The following LRRN1 variants were observed in gnomAD, a reference collection of about 807,000 sequenced individuals.
LRRN1 encodes the protein leucine-rich repeat neuronal protein 1.
Under a neutral mutation model 45.8 loss-of-function variants are expected in LRRN1, and 14 were observed. That is an observed-to-expected ratio of 0.31 (90% confidence interval 0.20 to 0.48). LRRN1 has a LOEUF of 0.48. Among genes scored for constraint, LRRN1 ranks in the 20% least tolerant of loss-of-function variants. LRRN1 has a pLI of 0.99. For missense variants in LRRN1, 789 were observed against 874.2 expected (o/e 0.90, Z 1.23); for synonymous variants, 359 against 330.1 (o/e 1.09, Z -0.95).
Position 3,817,616 on chromosome 3 carries a change from C to G in LRRN1, c.-279+17697C>G, listed in dbSNP as rs1021706317. ...CACTTCGTCTTCTAATTAGGAAGCC[C>G]TAAGCAGTCAGGCTCTTTAGAGAAA... is the stretch of plus-strand genomic sequence containing the variant. On this transcript the variant is annotated intron_variant, in intron 1 of 1. Coordinates refer to ENST00000319331, the MANE Select transcript of LRRN1 (RefSeq NM_020873.7). Among the ~76,000 whole-genome samples the G allele has an allele frequency of 3.3e-5, 5 of 152,058 alleles. No homozygotes were observed. The East Asian group carries it at 9.7e-4, about 29-fold the overall frequency.
At chr3:3,835,992 G>C (rs770218295) in intron 1 of LRRN1, among the ~76,000 whole-genome samples, 4 of 152,054 alleles carry the variant, frequency 2.6e-5, no homozygotes, top group Non-Finnish European at 5.9e-5. Context: ...TAAACTGCCA[G>C]ACTTCTTTGT....
At chr3:3,803,249 C>T (rs115797839) in intron 1 of LRRN1, among the ~76,000 whole-genome samples, 1 of 152,110 alleles carries the variant, frequency 6.6e-6, no homozygotes, top group African/African-American at 2.4e-5. Flanking sequence ...TAAAGAAAAT[C>T]GGTCTCTACG....
chr3:3,846,553 T>G lies in LRRN1; in HGVS notation c.1912T>G (p.Ser638Ala), dbSNP rs746781678. ...TSTALAAVMG[S>A]MFAVISLASI... ...TACAGCCCTTGCTGCAGTAATGGGG[T>G]CTATGTTTGCCGTCATTAGCCTTGC... The change falls in exon 2 of 2, where the codon TCT (serine) becomes GCT (alanine). Residue 638 changes from serine (S) to alanine (A), a missense_variant. Physicochemically the swap from Ser to Ala is moderately conservative, Grantham distance 99. Coordinates refer to ENST00000319331, the MANE Select transcript of LRRN1 (RefSeq NM_020873.7). The surrounding 1 kb of genome is among the most constrained non-coding windows in gnomAD (Gnocchi z 5.7). 2 of 1,613,964 alleles carry G rather than the reference T, an allele frequency of 1.2e-6. No individual in the cohort carries two copies. The highest frequency in any genetic ancestry group is 2.2e-5 in the South Asian group (2 of 91,078).
intron 1 of LRRN1, among the ~76,000 whole-genome samples, chr3:3,815,518 TGA>T (rs1308813508): frequency 6.6e-6 from 1 of 152,184 alleles, no homozygotes; most frequent in Non-Finnish European, 1.5e-5. Context: ...AATTTTTTGG[TGA>T]GTGCCAACAT....
intron 1 of LRRN1, among the ~76,000 whole-genome samples, chr3:3,841,891 C>T (rs542349804): frequency 3.4e-4 from 51 of 152,230 alleles, no homozygotes; most frequent in African/African-American, 1.1e-3. Flanking sequence ...AAAAGTTTTG[C>T]AAATACAAGC....
Position 3,808,392 on chromosome 3 carries a change from G to A in LRRN1, c.-279+8473G>A, listed in dbSNP as rs116947998. Reference sequence around the variant, plus strand: ...ATAGCTCAGGAAACTAAGGCAGACCGCAACTAAGTACCTTGCCCAAGGTCA... The same window carrying A: ...ATAGCTCAGGAAACTAAGGCAGACCACAACTAAGTACCTTGCCCAAGGTCA... On this transcript the variant is annotated intron_variant, in intron 1 of 1. Coordinates refer to ENST00000319331, the MANE Select transcript of LRRN1 (RefSeq NM_020873.7). Among the ~76,000 whole-genome samples the A allele has an allele frequency of 2.1e-3, 316 of 152,276 alleles. 3 individuals carry two copies. Among genetic ancestry groups the A allele is most frequent in the East Asian group, 0.014 (72 of 5,188 alleles).
intron 1 of LRRN1, among the ~76,000 whole-genome samples, chr3:3,828,605 A>G (rs895834646): frequency 6.6e-6 from 1 of 152,124 alleles, no homozygotes; most frequent in Non-Finnish European, 1.5e-5. Context: ...GAGATCATAC[A>G]TTACCTTAAA....
intron 1 of LRRN1, among the ~76,000 whole-genome samples, chr3:3,810,557 G>C (rs1191379320): frequency 6.6e-6 from 1 of 152,122 alleles, no homozygotes; most frequent in Admixed American, 6.5e-5. Flanking sequence ...AAGTCACCAG[G>C]TATGCTGGGC....
chr3:3,813,236 C>T (rs554559803), intron 1 of LRRN1, among the ~76,000 whole-genome samples: 7 of 152,262 alleles, frequency 4.6e-5, no homozygotes, highest in African/African-American at 9.6e-5. Context: ...GTAATTTCGT[C>T]GGTGCTCTAA....
At chr3:3,819,786 C>A (rs986059030) in intron 1 of LRRN1, among the ~76,000 whole-genome samples, 2 of 152,150 alleles carry the variant, frequency 1.3e-5, no homozygotes, top group Non-Finnish European at 2.9e-5. Flanking sequence ...AATCCACAAT[C>A]CGTAACTAAC....
At chr3:3,800,427 C>T (rs1366818896) in intron 1 of LRRN1, among the ~76,000 whole-genome samples, 4 of 152,152 alleles carry the variant, frequency 2.6e-5, no homozygotes, top group East Asian at 1.9e-4. Flanking sequence ...AAAAGGGTGT[C>T]TTGGCGGTGG....
chr3:3,803,726 C>T (rs1692702128), intron 1 of LRRN1, among the ~76,000 whole-genome samples: 1 of 152,112 alleles, frequency 6.6e-6, no homozygotes, highest in Non-Finnish European at 1.5e-5. Context: ...TGTTTTGGCT[C>T]AAAGTACAGA....
In LRRN1 at chr3:3,845,418, G is replaced by A. The variant is rs756584526; in HGVS notation, c.777G>A (p.Leu259=). The A allele has an allele frequency of 3.1e-5, 50 of 1,613,922 alleles. No homozygotes were observed. The South Asian group carries it at 5.5e-4, about 18-fold the overall frequency. ...NKLVKVPQLA[L]QKVPNLKFLD... is the part of the protein sequence containing the mutation. ...TGGTTAAAGTCCCTCAACTTGCCCT[G>A]CAAAAAGTTCCAAATTTGAAATTCT... Residue 259 remains leucine, a synonymous_variant, in exon 2 of 2, where the codon CTG becomes CTA. Coordinates refer to ENST00000319331, the MANE Select transcript of LRRN1 (RefSeq NM_020873.7). The surrounding 1 kb of genome is among the most constrained non-coding windows in gnomAD (Gnocchi z 6.5).
rs905913719 is a variant in LRRN1, at chr3:3,847,041, A to T, written c.*249A>T. ...TTATCATTATTATGATTGTTATTATATTATTATTTTATTTTAGTTGTTGTG... is the reference window on the plus strand; with the variant it reads ...TTATCATTATTATGATTGTTATTATTTTATTATTTTATTTTAGTTGTTGTG... On this transcript the variant is annotated 3_prime_UTR_variant, in exon 2 of 2. Transcript: ENST00000319331. The T allele has an allele frequency of 3.3e-6, 1 of 301,162 alleles. No individual in the cohort carries two copies. The highest frequency in any genetic ancestry group is 4.7e-5 in the Admixed American group (1 of 21,446). The allele number at this position is 301,162 out of a possible 1,614,324, so 18.7% of individuals were successfully genotyped here.
At chr3:3,804,476 A>T (rs1432869973) in intron 1 of LRRN1, among the ~76,000 whole-genome samples, 2 of 152,114 alleles carry the variant, frequency 1.3e-5, no homozygotes, top group African/African-American at 4.8e-5. Context: ...GGTCCTGTCC[A>T]CTCTGACTTT....
In LRRN1 at chr3:3,834,531, T is replaced by TATATATATATATATATATATATATATATC. The variant is rs1559302608; in HGVS notation, c.-278-9811_-278-9810insATATATCATATATATATATATATATATAT. Among the ~76,000 whole-genome samples the TATATATATATATATATATATATATATATC allele has an allele frequency of 2.9e-5, 3 of 102,506 alleles. 1 individual carries two copies. Among genetic ancestry groups the TATATATATATATATATATATATATATATC allele is most frequent in the Non-Finnish European group, 6.0e-5 (3 of 49,828 alleles). The allele number at this position is 102,506 out of a possible 152,430, so 67.2% of individuals were successfully genotyped here. A position where few individuals can be genotyped will look rare whatever the true frequency, so the allele number is the denominator to read the frequency against. ...TCTTAGAGGGACAGAACAGGATATA[T>TATATATATATATATATATATATATATATC]ATATATATATATATATATATATGAT... On this transcript the variant is annotated intron_variant, in intron 1 of 1. Transcript: ENST00000319331.
Position 3,844,956 on chromosome 3 carries a change from C to T in LRRN1, c.315C>T (p.Asn105=). Residue 105 remains asparagine (N), a synonymous_variant, in exon 2 of 2, where the codon AAC becomes AAT. Coordinates refer to ENST00000319331, the MANE Select transcript of LRRN1 (RefSeq NM_020873.7). ...FNLTELDFSQ[N]NFTNIKEVGL... ...TGACTGAACTAGATTTCTCCCAAAA[C>T]AACTTTACTAACATTAAGGAGGTCG... 1 of 1,614,146 alleles carries T rather than the reference C, an allele frequency of 6.2e-7. No homozygotes were observed. The highest frequency in any genetic ancestry group is 8.5e-7 in the Non-Finnish European group (1 of 1,180,020).
At position 3,848,666 on chromosome 3, in the gene LRRN1, C is replaced by T. The variant is rs1206444586; in HGVS notation, c.*1874C>T. On this transcript the variant is annotated 3_prime_UTR_variant, in exon 2 of 2. Coordinates refer to ENST00000319331, the MANE Select transcript of LRRN1 (RefSeq NM_020873.7). The stretch of plus-strand genomic sequence containing the variant: ...TGCAACAGAAAAATAAGTACCTGAG[C>T]TCGAGGTATCCCTTCCCAAAGCCTT... Among the ~76,000 whole-genome samples the T allele has an allele frequency of 6.6e-6, 1 of 152,132 alleles. No individual in the cohort carries two copies. Among genetic ancestry groups the T allele is most frequent in the Non-Finnish European group, 1.5e-5 (1 of 68,024 alleles).
At chr3:3,834,525 G>GAAATATATATATATATATATATAT (rs750534210) in intron 1 of LRRN1, among the ~76,000 whole-genome samples, 1 of 27,310 alleles carries the variant, frequency 3.7e-5, no homozygotes, top group Non-Finnish European at 9.9e-5. Flanking sequence ...GACAGAACAG[G>GAAATATATATATATATATATATAT]ATATATATAT....
Sources: allele counts gnomAD v4.1 joint callset (sites outside exome capture counted in the v4.1 genomes callset), GRCh38; gene constraint gnomAD v4.1.1; non-coding constraint Gnocchi (gnomAD v3.1); transcripts MANE v1.5; gene names NCBI Gene and HGNC (gene_info 2026-07-23, HGNC 2026-07-21).